FGF2: variants seen among roughly 807,000 people sequenced by gnomAD.
The protein encoded by FGF2 is basic fibroblast growth factor bFGF.
FGF2 carries 13 observed loss-of-function variants against 15.9 expected under a neutral mutation model. The observed-to-expected ratio is 0.82, with a 90% confidence interval of 0.53 to 1.30. FGF2 has a LOEUF of 1.30. Ranked by LOEUF, FGF2 falls within the 50% of genes most tolerant of loss-of-function variation. The pLI is 0.00. For missense variants in FGF2, 163 were observed against 196.9 expected, an observed-to-expected ratio of 0.83 and a Z score of 1.03; for synonymous variants, 90 against 78.4, an observed-to-expected ratio of 1.15 and a Z score of -0.78.
intron 1 of FGF2, among the ~76,000 whole-genome samples, chr4:122,851,701 A>G (rs1440902462): frequency 2.0e-5 from 3 of 152,196 alleles, no homozygotes; most frequent in Non-Finnish European, 4.4e-5. Flanking sequence ...AGAAAATGCA[A>G]AAGTGCAATC....
intron 1 of FGF2, among the ~76,000 whole-genome samples, chr4:122,833,529 T>C (rs954231036): frequency 2.0e-5 from 3 of 152,244 alleles, no homozygotes; most frequent in African/African-American, 7.2e-5. Context: ...GGCTGCATTC[T>C]GTGAACAGAT....
chr4:122,853,615 A>G (rs149155280), intron 1 of FGF2, among the ~76,000 whole-genome samples: 2 of 151,038 alleles, frequency 1.3e-5, no homozygotes, highest in East Asian at 1.9e-4. Context: ...GGAATTCCCC[A>G]ATATTTAAAC....
intron 1 of FGF2, among the ~76,000 whole-genome samples, chr4:122,857,289 G>A (rs192871017): frequency 1.1e-4 from 16 of 152,276 alleles, no homozygotes; most frequent in Admixed American, 2.6e-4. Flanking sequence ...ATGAGGGAAG[G>A]TGTCCTCTCT....
chr4:122,834,293 C>T (rs1319615648), intron 1 of FGF2, among the ~76,000 whole-genome samples: 1 of 152,184 alleles, frequency 6.6e-6, no homozygotes, highest in African/African-American at 2.4e-5. Context: ...ACTTGGCTGT[C>T]CTGTCTCACT....
chr4:122,867,192 ATGT>A (rs754831157), intron 1 of FGF2, among the ~76,000 whole-genome samples: 32 of 152,244 alleles, frequency 2.1e-4, no homozygotes, highest in Non-Finnish European at 4.6e-4. Flanking sequence ...GGTGACGAAA[ATGT>A]TCTATAATTG....
chr4:122,829,716 T>C (rs1246698466), intron 1 of FGF2, among the ~76,000 whole-genome samples: 1 of 152,142 alleles, frequency 6.6e-6, no homozygotes, highest in African/African-American at 2.4e-5. Flanking sequence ...CCACCCTTTC[T>C]TCCCAAGTCC....
intron 2 of FGF2, among the ~76,000 whole-genome samples, chr4:122,879,052 C>G (rs1726911489): frequency 6.6e-6 from 1 of 152,148 alleles, no homozygotes; most frequent in Admixed American, 6.5e-5. Context: ...TGGGTATGAT[C>G]AGCATATAGG....
intron 1 of FGF2, among the ~76,000 whole-genome samples, chr4:122,836,125 G>C (rs1318426916): frequency 6.6e-6 from 1 of 152,198 alleles, no homozygotes; most frequent in Non-Finnish European, 1.5e-5. Flanking sequence ...GTAATAGTTA[G>C]TGGTTTATGT....
intron 1 of FGF2, among the ~76,000 whole-genome samples, chr4:122,870,726 A>G (rs1047026004): frequency 1.3e-5 from 2 of 150,740 alleles, no homozygotes; most frequent in East Asian, 1.9e-4. Flanking sequence ...TTTCTTCTTT[A>G]TTAGTCTACC....
At chr4:122,891,045 T>A (rs1727170358) in intron 2 of FGF2, among the ~76,000 whole-genome samples, 2 of 149,226 alleles carry the variant, frequency 1.3e-5, no homozygotes, top group Non-Finnish European at 3.0e-5. Flanking sequence ...TGTTTTGTTT[T>A]GTTTTGTTTT....
chr4:122,870,133 A>G (rs752024734), intron 1 of FGF2, among the ~76,000 whole-genome samples: 2 of 152,214 alleles, frequency 1.3e-5, no homozygotes, highest in Non-Finnish European at 2.9e-5. Flanking sequence ...GATGGATTAC[A>G]TTTATTGATT....
chr4:122,856,573 T>C (rs1726345611), intron 1 of FGF2, among the ~76,000 whole-genome samples: 1 of 152,212 alleles, frequency 6.6e-6, no homozygotes, highest in Non-Finnish European at 1.5e-5. Context: ...AAAATATTAA[T>C]TATTAAGCTA....
chr4:122,871,708 A>C (rs1208168773), intron 1 of FGF2, among the ~76,000 whole-genome samples: 1 of 151,296 alleles, frequency 6.6e-6, no homozygotes, highest in Non-Finnish European at 1.5e-5. Flanking sequence ...AGCAAATCAG[A>C]TAGAATAGGG....
In FGF2 at chr4:122,867,513, A is replaced by T. The variant is rs532198545; in HGVS notation, c.179-8808A>T. On this transcript the variant is annotated intron_variant, in intron 1 of 2. Transcript: ENST00000644866. Reference sequence around the variant, plus strand: ...TAATTTTTTTCTGTTAAAAATATATATTTTTTTAATTTTTTAGAGACAGGA... The same window carrying T: ...TAATTTTTTTCTGTTAAAAATATATTTTTTTTTAATTTTTTAGAGACAGGA... Among the ~76,000 whole-genome samples, 32 of 152,218 alleles carry T rather than the reference A, an allele frequency of 2.1e-4. No individual in the cohort carries two copies. In the East Asian group the frequency reaches 2.1e-3, roughly 10 times the overall value.
At chr4:122,860,736 G>A (rs948184348) in intron 1 of FGF2, among the ~76,000 whole-genome samples, 1 of 152,092 alleles carries the variant, frequency 6.6e-6, no homozygotes, top group Admixed American at 6.5e-5. Flanking sequence ...GGCTACAGGC[G>A]TGAGCCACTG....
chr4:122,856,944 G>T (rs1048055829), intron 1 of FGF2, among the ~76,000 whole-genome samples: 2 of 152,116 alleles, frequency 1.3e-5, no homozygotes, highest in African/African-American at 4.8e-5. Flanking sequence ...CCAACAGCTG[G>T]CCCCTGAGAA....
At position 122,896,325 on chromosome 4, in the gene FGF2, A is replaced by G. The variant is rs1727351585; in HGVS notation, c.*3929A>G. 6.6e-6 allele frequency: 1 copy of G among 152,600 alleles called. No homozygotes were observed. The highest frequency in any genetic ancestry group is 1.5e-5 in the Non-Finnish European group (1 of 68,040). 9.5% of individuals were successfully genotyped at this position (152,600 alleles called of 1,614,324 possible). On this transcript the variant is annotated 3_prime_UTR_variant, in exon 3 of 3. Coordinates refer to ENST00000644866, the MANE Select transcript of FGF2 (RefSeq NM_001361665.2). ...TTCAATTACATCTACAAGTAAGTACAGCTGAAATTCAGAGGACCCATAAGA... is the reference window on the plus strand; with the variant it reads ...TTCAATTACATCTACAAGTAAGTACGGCTGAAATTCAGAGGACCCATAAGA...
chr4:122,833,288 A>G (rs1725801216), intron 1 of FGF2, among the ~76,000 whole-genome samples: 1 of 152,140 alleles, frequency 6.6e-6, no homozygotes, highest in African/African-American at 2.4e-5. Context: ...CTGAAATGAA[A>G]AGTTCACAGA....
intron 1 of FGF2, among the ~76,000 whole-genome samples, chr4:122,855,628 T>C (rs1020188962): frequency 6.6e-6 from 1 of 152,210 alleles, no homozygotes; most frequent in Non-Finnish European, 1.5e-5. Flanking sequence ...GGAAGGCCTC[T>C]GCTAGAAGAC....
Sources: allele counts gnomAD v4.1 joint callset (sites outside exome capture counted in the v4.1 genomes callset), GRCh38; gene constraint gnomAD v4.1.1; transcripts MANE v1.5; gene names NCBI Gene and HGNC (gene_info 2026-07-23, HGNC 2026-07-21).